The following MED6 variants were observed in gnomAD, a reference collection of about 807,000 sequenced individuals.
The protein encoded by MED6 is mediator complex subunit 6.
In MED6, 33 loss-of-function variants were observed where a neutral mutation model predicts 37.5. That is an observed-to-expected ratio of 0.88 (90% CI 0.67 to 1.18). MED6 has a LOEUF of 1.18. MED6 is among the 50% of genes most tolerant of loss of function. MED6 has a pLI of 0.00. For synonymous variants in MED6, 94 were observed against 93.6 expected, an observed-to-expected ratio of 1.00 and a Z score of -0.02; for missense variants, 235 against 290.6, an observed-to-expected ratio of 0.81 and a Z score of 1.39.
intron 6 of MED6, 52 bp from the exon 7 acceptor site, chr14:70,585,835 C>G (rs767404826): frequency 1.3e-6 from 2 of 1,530,548 alleles, no homozygotes; most frequent in Non-Finnish European, 1.8e-6. Context: ...AAGAAGAAAA[C>G]AGGTCAACTT....
intron 3 of MED6, among the ~76,000 whole-genome samples, 199 bp from the exon 4 acceptor site, chr14:70,593,577 A>G (rs889824589): frequency 3.3e-5 from 5 of 152,246 alleles, no homozygotes; most frequent in Non-Finnish European, 5.9e-5. Flanking sequence ...ATAATTGAGC[A>G]TTGTCACAGA....
chr14:70,597,157 A>G (rs914342915), intron 2 of MED6, among the ~76,000 whole-genome samples: 3 of 152,240 alleles, frequency 2.0e-5, no homozygotes, highest in Admixed American at 1.3e-4. Context: ...TTATGTTTAA[A>G]AGCAACAATA....
In MED6 at chr14:70,597,675, T is replaced by C. The variant is rs759092931; in HGVS notation, c.125A>G (p.Asp42Gly). Residue 42 changes from aspartate (D) to glycine (G), a missense_variant, in exon 2 of 8, where the codon GAC becomes GGC. Coordinates refer to ENST00000256379, the MANE Select transcript of MED6 (RefSeq NM_005466.4). ...YFSERSNPFY[D>G]RTCNNEVVKM... The stretch of plus-strand genomic sequence containing the variant: ...GACCACTTCATTATTACATGTTCTG[T>C]CATAAAAAGGATTACTTCTTTCTGA... 1.3e-6 allele frequency: 2 copies of C among 1,563,054 alleles called. No individual in the cohort carries two copies. The highest frequency in any genetic ancestry group is 1.4e-5 in the African/African-American group (1 of 71,780).
intron 1 of MED6, 25 bp downstream of exon 1, chr14:70,600,591 G>A (rs970230798): frequency 4.3e-6 from 7 of 1,613,160 alleles, no homozygotes; most frequent in Admixed American, 1.7e-5. Context: ...ACAATCAAGA[G>A]ACAAAATATA....
chr14:70,593,512 T>C, intron 3 of MED6, 134 bp from the exon 4 acceptor site: 1 of 653,720 alleles, frequency 1.5e-6, no homozygotes, highest in African/African-American at 1.8e-5. Flanking sequence ...GGTAAAGCTG[T>C]ACTAGAAAAC....
At chr14:70,585,689 C>T in intron 7 of MED6, 67 bp downstream of exon 7, 1 of 1,408,328 alleles carries the variant, frequency 7.1e-7, no homozygotes, top group African/African-American at 1.5e-5. Flanking sequence ...ACATGCTATA[C>T]TTGTGATTGA....
At chr14:70,595,744 A>G (rs554222498) in intron 3 of MED6, 17 of 723,404 alleles carry the variant, frequency 2.3e-5, no homozygotes, top group Non-Finnish European at 4.0e-5. Context: ...AACTCCATGC[A>G]AACCATCCAA....
chr14:70,590,773 T>G (rs1484858215), intron 6 of MED6, among the ~76,000 whole-genome samples: 2 of 152,194 alleles, frequency 1.3e-5, no homozygotes, highest in Non-Finnish European at 2.9e-5. Context: ...TTCATATAAC[T>G]TAAAACCCCA....
At position 70,596,660 on chromosome 14, in the gene MED6, C is replaced by A; in HGVS notation, c.225G>T (p.Glu75Asp). ...GIEYILLHAQ[E>D]PILFIIRKQQ... ...GCTTCCGAATGATGAAAAGAATGGG[C>A]TCTTGAGCATGCAAAAGGATGTACT... The change falls in exon 3 of 8, where the codon GAG becomes GAT. Residue 75 changes from glutamate to aspartate, a missense_variant. Glu to Asp is a conservative substitution (Grantham distance 45, BLOSUM62 2). Coordinates refer to ENST00000256379, the MANE Select transcript of MED6 (RefSeq NM_005466.4). The A allele has an allele frequency of 6.2e-7, 1 of 1,613,956 alleles. No homozygotes were observed. The highest frequency in any genetic ancestry group is 1.3e-5 in the African/African-American group (1 of 75,040).
intron 3 of MED6, chr14:70,594,527 C>T (rs1884982757): frequency 5.5e-6 from 2 of 366,626 alleles, no homozygotes; most frequent in Non-Finnish European, 1.1e-5. Flanking sequence ...TGAGTCCTGT[C>T]CTCTCACTCT....
rs200314815 is a variant in MED6 at position 70,597,614 on chromosome 14, T to C, written c.182+4A>G. On this transcript the variant is annotated splice_donor_region_variant and intron_variant, in intron 2 of 7. Coordinates refer to ENST00000256379, the MANE Select transcript of MED6 (RefSeq NM_005466.4). ...AAAAGTGCCACCTTCTTAAAATAAC[T>C]TACTTCAAGTGTTCTAATGTTAGCC... The C allele has an allele frequency of 2.3e-5, 34 of 1,447,048 alleles. No homozygotes were observed. Among genetic ancestry groups the C allele is most frequent in the Non-Finnish European group, 2.8e-5 (31 of 1,097,942 alleles). 89.6% of individuals were successfully genotyped at this position (1,447,048 alleles called of 1,614,324 possible). A position where few individuals can be genotyped will look rare whatever the true frequency, so the allele number is the denominator to read the frequency against.
chr14:70,595,228 C>A, intron 3 of MED6: 1 of 543,328 alleles, frequency 1.8e-6, no homozygotes, highest in Non-Finnish European at 3.6e-6. Flanking sequence ...CCCAGACTGC[C>A]AGCTCTGGGT....
intron 3 of MED6, among the ~76,000 whole-genome samples, chr14:70,594,389 C>T (rs1385625392): frequency 3.3e-5 from 5 of 152,174 alleles, no homozygotes; most frequent in Non-Finnish European, 4.4e-5. Flanking sequence ...TAGTTGAATG[C>T]ATCACTGAGG....
intron 5 of MED6, chr14:70,591,917 A>G (rs1009340231): frequency 6.5e-6 from 1 of 152,828 alleles, no homozygotes; most frequent in Non-Finnish European, 1.5e-5. Context: ...AGTTAATCGC[A>G]TGTGGGATTT....
chr14:70,585,623 C>T (rs1237633970), intron 7 of MED6, 133 bp downstream of exon 7: 2 of 577,604 alleles, frequency 3.5e-6, no homozygotes, highest in South Asian at 5.0e-5. Context: ...GACAATTCTT[C>T]TTCCAATGAG....
chr14:70,591,003 T>G (rs752198137), intron 6 of MED6, among the ~76,000 whole-genome samples: 90 of 152,232 alleles, frequency 5.9e-4, no homozygotes, highest in Non-Finnish European at 1.2e-3. Flanking sequence ...TTCAGCAACC[T>G]TTTGAATGAG....
At chr14:70,595,020 C>A in intron 3 of MED6, 2 of 570,618 alleles carry the variant, frequency 3.5e-6, no homozygotes, top group Non-Finnish European at 3.5e-6. Context: ...TTCTGCAGAT[C>A]GACAATGCCC....
At chr14:70,600,518 A>C in intron 1 of MED6, 98 bp downstream of exon 1, 2 of 1,370,910 alleles carry the variant, frequency 1.5e-6, no homozygotes, top group South Asian at 1.2e-5. Flanking sequence ...AAAGCTTGAG[A>C]CTTCACACAA....
chr14:70,592,478 C>CTTTTTTTTTTTTT lies in MED6; in HGVS notation c.466+389_466+401dup, dbSNP rs201036704. 1.6e-4 allele frequency: 14 copies of CTTTTTTTTTTTTT among 88,836 alleles called. 1 individual carries two copies. Among genetic ancestry groups the CTTTTTTTTTTTTT allele is most frequent in the African/African-American group, 8.2e-4 (14 of 16,982 alleles). The allele number at this position is 88,836 out of a possible 1,614,324, so 5.5% of individuals were successfully genotyped here. A position where few individuals can be genotyped will look rare whatever the true frequency, so the allele number is the denominator to read the frequency against. ...CCACACCACTGTCTCTCCTATGTTC[C>CTTTTTTTTTTTTT]TTTTTTTTTTTTTTTTTTTTTTTTT... On this transcript the variant is annotated intron_variant, in intron 5 of 7. Coordinates refer to ENST00000256379, the MANE Select transcript of MED6 (RefSeq NM_005466.4).
Sources: allele counts gnomAD v4.1 joint callset (sites outside exome capture counted in the v4.1 genomes callset), GRCh38; gene constraint gnomAD v4.1.1; transcripts MANE v1.5; gene names NCBI Gene and HGNC (gene_info 2026-07-23, HGNC 2026-07-21).